Variants in C9 observed in about 807,000 individuals in gnomAD.
C9 encodes the protein complement component C9.
Under a neutral mutation model 65.4 loss-of-function variants are expected in C9, and 63 were observed. That is an observed-to-expected ratio of 0.96 (90% CI 0.79 to 1.19). C9 has a LOEUF of 1.19. C9 is among the 50% of genes most tolerant of loss of function. C9 has a pLI of 0.00. For synonymous variants in C9, 229 were observed against 227.9 expected, an observed-to-expected ratio of 1.00 and a Z score of -0.04; for missense variants, 744 against 670.1, an observed-to-expected ratio of 1.11 and a Z score of -1.22.
chr5:39,341,046 A>G, intron 4 of C9, 100 bp downstream of exon 4: 4 of 1,293,036 alleles, frequency 3.1e-6, no homozygotes, highest in Non-Finnish European at 4.5e-6. Flanking sequence ...TGTATCACCT[A>G]TGTCCCTCGC....
chr5:39,312,254 A>C (rs1036127824), intron 6 of C9, among the ~76,000 whole-genome samples: 2 of 152,098 alleles, frequency 1.3e-5, no homozygotes, highest in African/African-American at 4.8e-5. Flanking sequence ...AATTATCAAA[A>C]CTCATGAAAC....
In C9 at chr5:39,288,877, G is replaced by A; in HGVS notation, c.1491C>T (p.Ala497=). 1 of 1,611,362 alleles carries A rather than the reference G, an allele frequency of 6.2e-7. No homozygotes were observed. Among genetic ancestry groups the A allele is most frequent in the Non-Finnish European group, 8.5e-7 (1 of 1,178,074 alleles). ...TAAATTCATTGATATAGTCTTCAATGGCTCTTTCCAAGTTTTGTTTCTTTA... is the reference window on the plus strand; with the variant it reads ...TAAATTCATTGATATAGTCTTCAATAGCTCTTTCCAAGTTTTGTTTCTTTA... ...AHLKKQNLER[A]IEDYINEFSV... is the part of the protein sequence containing the mutation. The change falls in exon 10 of 11, where the codon GCC becomes GCT. Residue 497 remains alanine (A), a synonymous_variant. Coordinates refer to ENST00000263408, the MANE Select transcript of C9 (RefSeq NM_001737.5).
intron 9 of C9, among the ~76,000 whole-genome samples, chr5:39,299,410 G>A (rs989062975): frequency 3.9e-5 from 6 of 152,000 alleles, no homozygotes; most frequent in South Asian, 2.1e-4. Context: ...AAATATCCCC[G>A]TCTGGGAACA....
intron 9 of C9, among the ~76,000 whole-genome samples, chr5:39,292,391 T>C (rs572685286): frequency 1.3e-5 from 2 of 151,382 alleles, no homozygotes; most frequent in South Asian, 4.1e-4. Context: ...ATTTTATACC[T>C]AATGAAATGT....
At position 39,359,084 on chromosome 5, in the gene C9, A is replaced by T. The variant is rs577059804; in HGVS notation, c.77+5304T>A. 2.2e-3 allele frequency among the ~76,000 whole-genome samples: 140 copies of T among 63,564 alleles called. 1 individual carries two copies. The highest frequency in any genetic ancestry group is 7.8e-3 in the African/African-American group (138 of 17,742). 41.7% of individuals were successfully genotyped at this position (63,564 alleles called of 152,430 possible). A position where few individuals can be genotyped will look rare whatever the true frequency, so the allele number is the denominator to read the frequency against. On this transcript the variant is annotated intron_variant, in intron 1 of 10. Transcript: ENST00000263408. The stretch of plus-strand genomic sequence containing the variant: ...TGTATATATATATGTGTGTGTATAT[A>T]TATATGTGTGTGTGTGTGTATATAT...
intron 1 of C9, among the ~76,000 whole-genome samples, chr5:39,347,307 A>G (rs572591340): frequency 6.6e-6 from 1 of 152,342 alleles, no homozygotes; most frequent in South Asian, 2.1e-4. Flanking sequence ...TTAAGCTGAT[A>G]AGCAACTTCA....
chr5:39,340,253 A>T (rs2111950735), intron 4 of C9, among the ~76,000 whole-genome samples: 1 of 152,342 alleles, frequency 6.6e-6, no homozygotes, highest in Middle Eastern at 3.4e-3. Context: ...AAAGAGACAC[A>T]TTACATTATA....
chr5:39,347,055 A>G (rs1239563566), intron 1 of C9, among the ~76,000 whole-genome samples: 1 of 152,206 alleles, frequency 6.6e-6, no homozygotes, highest in Non-Finnish European at 1.5e-5. Context: ...ACAAACCCAC[A>G]GCCAATATCA....
chr5:39,306,020 C>T (rs1163058572), intron 9 of C9, among the ~76,000 whole-genome samples: 1 of 151,664 alleles, frequency 6.6e-6, no homozygotes, highest in African/African-American at 2.4e-5. Flanking sequence ...AAAATTAGCT[C>T]GATGTGGTGG....
intron 5 of C9, among the ~76,000 whole-genome samples, chr5:39,316,504 C>T (rs1171914606): frequency 2.0e-5 from 3 of 152,108 alleles, no homozygotes; most frequent in African/African-American, 7.2e-5. Context: ...CTCTGTCACC[C>T]CTACCCCCAA....
chr5:39,356,392 T>C lies in C9; in HGVS notation c.77+7996A>G, dbSNP rs184209979. 2.1e-3 allele frequency among the ~76,000 whole-genome samples: 324 copies of C among 152,326 alleles called. 1 individual carries two copies. The highest frequency in any genetic ancestry group is 4.0e-3 in the Non-Finnish European group (271 of 68,028). ...GAGTGGTCATAGCATATTTAGTAAC[T>C]TCTGCATCTAATAGCCTCATGCCTT... On this transcript the variant is annotated intron_variant, in intron 1 of 10. Coordinates refer to ENST00000263408, the MANE Select transcript of C9 (RefSeq NM_001737.5).
At chr5:39,324,146 T>C (rs1448542142) in intron 5 of C9, among the ~76,000 whole-genome samples, 1 of 152,148 alleles carries the variant, frequency 6.6e-6, no homozygotes, top group Non-Finnish European at 1.5e-5. Context: ...TCATAAAACA[T>C]TGATGAAAGA....
intron 1 of C9, among the ~76,000 whole-genome samples, chr5:39,356,140 C>T (rs1245419625): frequency 6.6e-6 from 1 of 152,176 alleles, no homozygotes; most frequent in Admixed American, 6.5e-5. Flanking sequence ...CTCATTTTCT[C>T]ATTAACCTTT....
At chr5:39,363,662 G>A (rs901961154) in intron 1 of C9, among the ~76,000 whole-genome samples, 14 of 152,162 alleles carry the variant, frequency 9.2e-5, no homozygotes, top group African/African-American at 3.4e-4. Flanking sequence ...ATGGAAGGAA[G>A]GATGCCTCAT....
chr5:39,294,116 CAAAT>C (rs1753144728), intron 9 of C9, among the ~76,000 whole-genome samples: 1 of 151,578 alleles, frequency 6.6e-6, no homozygotes, highest in Admixed American at 6.6e-5. Context: ...AGAAAATTTT[CAAAT>C]AAACATCTTA....
intron 9 of C9, among the ~76,000 whole-genome samples, chr5:39,299,982 T>C (rs1434908517): frequency 6.6e-6 from 1 of 152,160 alleles, no homozygotes; most frequent in Non-Finnish European, 1.5e-5. Context: ...CATTATGATA[T>C]CTATTTCACT....
chr5:39,343,743 TCCCCAA>T (rs1392425167), intron 1 of C9, among the ~76,000 whole-genome samples: 1 of 152,094 alleles, frequency 6.6e-6, no homozygotes, highest in Non-Finnish European at 1.5e-5. Context: ...GGGACCCTGA[TCCCCAA>T]GTAGCCTAAC....
At chr5:39,359,753 A>G (rs1387816799) in intron 1 of C9, among the ~76,000 whole-genome samples, 3 of 152,210 alleles carry the variant, frequency 2.0e-5, no homozygotes, top group Admixed American at 1.3e-4. Context: ...CTGAGGTGCA[A>G]CAAGGGAACT....
chr5:39,326,137 A>G (rs1368043569), intron 5 of C9, among the ~76,000 whole-genome samples: 1 of 152,190 alleles, frequency 6.6e-6, no homozygotes, highest in East Asian at 1.9e-4. Context: ...TTATTAACAC[A>G]TTTAATCTTT....
Sources: allele counts gnomAD v4.1 joint callset (sites outside exome capture counted in the v4.1 genomes callset), GRCh38; gene constraint gnomAD v4.1.1; transcripts MANE v1.5; gene names NCBI Gene and HGNC (gene_info 2026-07-23, HGNC 2026-07-21).